CCDC25: variants seen among roughly 807,000 people sequenced by gnomAD.
The protein encoded by CCDC25 is coiled-coil domain containing 25, also known as coiled-coil domain-containing protein 25.
In CCDC25, 16 loss-of-function variants were observed where a neutral mutation model predicts 35.3. That is an observed-to-expected ratio of 0.45 (90% CI 0.31 to 0.69). The LOEUF (loss-of-function observed/expected upper bound fraction) is 0.69, where lower values mean the gene tolerates loss of function less well. CCDC25 is among the 30% of genes least tolerant of loss of function. CCDC25 has a pLI of 0.06. For missense variants in CCDC25, 179 were observed against 250.7 expected (o/e 0.71, Z 1.93); for synonymous variants, 79 against 80.3 (o/e 0.98, Z 0.09).
intron 5 of CCDC25, 128 bp downstream of exon 5, chr8:27,752,384 G>A: frequency 1.5e-6 from 1 of 678,944 alleles, no homozygotes; most frequent in Admixed American, 2.8e-5. Context: ...AACAAAACAT[G>A]GCAAAGGCAC....
At chr8:27,763,495 A>G (rs1270477315) in intron 2 of CCDC25, among the ~76,000 whole-genome samples, 1 of 152,228 alleles carries the variant, frequency 6.6e-6, no homozygotes, top group African/African-American at 2.4e-5. Flanking sequence ...AGGCGAGCAG[A>G]TCACCTGAGG....
intron 2 of CCDC25, among the ~76,000 whole-genome samples, chr8:27,763,990 A>G (rs1401345224): frequency 6.6e-6 from 1 of 152,220 alleles, no homozygotes; most frequent in Non-Finnish European, 1.5e-5. Context: ...TCTTTCCCTC[A>G]GTCAGGCAAA....
rs1363036544 is a variant in CCDC25, at chr8:27,756,612, T to G, written c.168+107A>C. On this transcript the variant is annotated intron_variant, in intron 4 of 8. Coordinates refer to ENST00000356537, the MANE Select transcript of CCDC25 (RefSeq NM_018246.3). ...CGTCTTCATTTGTTAACTTTTAGAT[T>G]TGCGTACCAACTTATTACTGTAAGC... is the stretch of plus-strand genomic sequence containing the variant. 8.1e-6 allele frequency: 6 copies of G among 740,298 alleles called. No homozygotes were observed. In the Admixed American group the frequency reaches 1.4e-4, roughly 17 times the overall value. 45.9% of individuals were successfully genotyped at this position (740,298 alleles called of 1,614,324 possible).
chr8:27,769,490 T>G (rs930514259), intron 1 of CCDC25, among the ~76,000 whole-genome samples: 1 of 152,242 alleles, frequency 6.6e-6, no homozygotes, highest in Admixed American at 6.5e-5. Flanking sequence ...TATATGGATA[T>G]CTATGTTGTT....
Position 27,765,246 on chromosome 8 carries a change from A to G in CCDC25, c.34T>C (p.Ser12Pro), listed in dbSNP as rs753329920. 6.7e-7 allele frequency: 1 copy of G among 1,484,772 alleles called. No homozygotes were observed. Among genetic ancestry groups the G allele is most frequent in the South Asian group, 1.2e-5 (1 of 81,348 alleles). 92.0% of individuals were successfully genotyped at this position (1,484,772 alleles called of 1,614,324 possible). A position where few individuals can be genotyped will look rare whatever the true frequency, so the allele number is the denominator to read the frequency against. The change falls in exon 2 of 9, where the codon TCA (serine) becomes CCA (proline). Residue 12 changes from serine (S) to proline (P), a missense_variant. Ser to Pro is a moderately conservative substitution (Grantham distance 74, BLOSUM62 -1). Transcript: ENST00000356537. ...CCCATGTAAATAGTGTAGGCAGATG[A>G]ATTAACTAAGATAAAACAAAAATAA... is the stretch of plus-strand genomic sequence containing the variant. Reference protein sequence around the residue: ...VFYFTSSSVNSSAYTIYMGKD... With the variant: ...VFYFTSSSVNPSAYTIYMGKD...
intron 3 of CCDC25, among the ~76,000 whole-genome samples, chr8:27,760,538 C>T (rs1262539454): frequency 6.6e-6 from 1 of 152,156 alleles, no homozygotes; most frequent in African/African-American, 2.4e-5. Flanking sequence ...TCTACGCTGG[C>T]AGGGAGTCAA....
At chr8:27,759,127 CCT>C (rs766150960) in intron 3 of CCDC25, among the ~76,000 whole-genome samples, 4 of 152,264 alleles carry the variant, frequency 2.6e-5, no homozygotes, top group Admixed American at 1.3e-4. Context: ...TCTTCCTCTC[CCT>C]GTTACCCTTT....
At position 27,736,070 on chromosome 8, in the gene CCDC25, T is replaced by C; in HGVS notation, c.*146A>G. Reference sequence around the variant, plus strand: ...TGTCAGCAAAAAAGGTACAATTTTTTTAAAACTTGAAAATCAATAATTTCT... The same window carrying C: ...TGTCAGCAAAAAAGGTACAATTTTTCTAAAACTTGAAAATCAATAATTTCT... On this transcript the variant is annotated 3_prime_UTR_variant, in exon 9 of 9. Transcript: ENST00000356537. 1 of 708,902 alleles carries C rather than the reference T, an allele frequency of 1.4e-6. No individual in the cohort carries two copies. Among genetic ancestry groups the C allele is most frequent in the Non-Finnish European group, 2.3e-6 (1 of 440,534 alleles). 43.9% of individuals were successfully genotyped at this position (708,902 alleles called of 1,614,324 possible).
rs1382327953 is a variant in CCDC25 at position 27,734,198 on chromosome 8, C to T, written c.*2018G>A. On this transcript the variant is annotated 3_prime_UTR_variant, in exon 9 of 9. Transcript: ENST00000356537. ...TGACAAAGCTCCCTTGCCCAAAGAT[C>T]GTGAGCCTAGACAAAGGTGGATAAG... is the stretch of plus-strand genomic sequence containing the variant. 2.0e-5 allele frequency: 3 copies of T among 152,162 alleles called. No individual in the cohort carries two copies. The highest frequency in any genetic ancestry group is 7.2e-5 in the African/African-American group (3 of 41,436). 9.4% of individuals were successfully genotyped at this position (152,162 alleles called of 1,614,324 possible). A position where few individuals can be genotyped will look rare whatever the true frequency, so the allele number is the denominator to read the frequency against.
intron 8 of CCDC25, among the ~76,000 whole-genome samples, chr8:27,739,553 T>C (rs1390479547): frequency 2.6e-5 from 4 of 151,966 alleles, no homozygotes; most frequent in Non-Finnish European, 4.4e-5. Flanking sequence ...AAAAATACAG[T>C]ATAACAACTA....
intron 5 of CCDC25, among the ~76,000 whole-genome samples, chr8:27,752,257 C>A (rs1216378892): frequency 6.6e-6 from 1 of 152,084 alleles, no homozygotes. Context: ...ACCTTCTATT[C>A]AAGGTAAGGA....
chr8:27,741,682 GACA>G (rs1803445322), intron 7 of CCDC25, among the ~76,000 whole-genome samples: 1 of 151,976 alleles, frequency 6.6e-6, no homozygotes, highest in African/African-American at 2.4e-5. Flanking sequence ...CATCTCAAAC[GACA>G]ACAACAACAA....
At chr8:27,741,682 G>A (rs1803445083) in intron 7 of CCDC25, among the ~76,000 whole-genome samples, 1 of 151,976 alleles carries the variant, frequency 6.6e-6, no homozygotes, top group African/African-American at 2.4e-5. Context: ...CATCTCAAAC[G>A]ACAACAACAA....
chr8:27,733,823 T>C lies in CCDC25; in HGVS notation c.*2393A>G, dbSNP rs189371102. On this transcript the variant is annotated 3_prime_UTR_variant, in exon 9 of 9. Transcript: ENST00000356537. The stretch of plus-strand genomic sequence containing the variant: ...CCTGCTCAGTTTTCCTCATAAACGG[T>C]TCCAGCTTGGAAAACAAGAGCTTCC... The C allele has an allele frequency of 4.6e-5, 7 of 152,300 alleles. No homozygotes were observed. Among genetic ancestry groups the C allele is most frequent in the Admixed American group, 4.6e-4 (7 of 15,300 alleles). 9.4% of individuals were successfully genotyped at this position (152,300 alleles called of 1,614,324 possible).
intron 1 of CCDC25, among the ~76,000 whole-genome samples, chr8:27,769,574 G>A (rs1008278687): frequency 6.6e-6 from 1 of 152,170 alleles, no homozygotes; most frequent in East Asian, 1.9e-4. Context: ...AGGCCTATAA[G>A]GGTATATGAT....
chr8:27,764,584 C>A, intron 2 of CCDC25: 1 of 224,958 alleles, frequency 4.4e-6, no homozygotes, highest in Non-Finnish European at 9.3e-6. Context: ...TGGCCTCTTA[C>A]GTTTTTTTCT....
chr8:27,771,014 T>C (rs1042519572), intron 1 of CCDC25, among the ~76,000 whole-genome samples: 1 of 152,190 alleles, frequency 6.6e-6, no homozygotes, highest in Non-Finnish European at 1.5e-5. Flanking sequence ...CACATAATGA[T>C]GCTTTGGTCA....
At chr8:27,757,713 C>T (rs1272145117) in intron 3 of CCDC25, among the ~76,000 whole-genome samples, 1 of 152,150 alleles carries the variant, frequency 6.6e-6, no homozygotes, top group Non-Finnish European at 1.5e-5. Flanking sequence ...GTAACACTAT[C>T]GCCACTTCGT....
intron 8 of CCDC25, among the ~76,000 whole-genome samples, chr8:27,739,791 C>T (rs752338140): frequency 3.2e-4 from 49 of 152,236 alleles, no homozygotes; most frequent in Non-Finnish European, 4.7e-4. Flanking sequence ...CAAATACATC[C>T]ACCCAGTTTC....
Sources: gnomAD v4.1 joint callset for allele counts (sites outside exome capture counted in the v4.1 genomes callset) on GRCh38, gnomAD v4.1.1 for gene constraint, MANE v1.5 for transcripts, NCBI Gene and HGNC (gene_info 2026-07-23, HGNC 2026-07-21) for gene names.